The following PTPRT variants were observed in gnomAD, a reference collection of about 807,000 sequenced individuals.
PTPRT encodes protein tyrosine phosphatase receptor type T, also known as receptor-type tyrosine-protein phosphatase T.
In PTPRT, 56 loss-of-function variants were observed where a neutral mutation model predicts 176.8. That is an observed-to-expected ratio of 0.32 (90% CI 0.26 to 0.40). The LOEUF (loss-of-function observed/expected upper bound fraction) is 0.40. Ranked by LOEUF, PTPRT falls within the 10% of genes least tolerant of loss-of-function variation. PTPRT has a pLI of 1.00. For missense variants in PTPRT, 1,540 were observed against 1,908.2 expected, an observed-to-expected ratio of 0.81 and a Z score of 3.60; for synonymous variants, 783 against 739.0, an observed-to-expected ratio of 1.06 and a Z score of -0.96.
At chr20:42,575,104 G>GATAAA (rs1274579317) in intron 7 of PTPRT, among the ~76,000 whole-genome samples, 3 of 152,154 alleles carry the variant, frequency 2.0e-5, no homozygotes, top group Non-Finnish European at 4.4e-5. Context: ...AGGACCGACT[G>GATAAA]GTGCAAAGCT....
chr20:42,373,634 A>G (rs1004852097), intron 9 of PTPRT, among the ~76,000 whole-genome samples: 6 of 152,226 alleles, frequency 3.9e-5, no homozygotes, highest in African/African-American at 1.4e-4. Flanking sequence ...GAGATTATGG[A>G]CATACATATA....
intron 1 of PTPRT, among the ~76,000 whole-genome samples, chr20:42,897,923 C>A (rs1449248032): frequency 6.6e-6 from 1 of 152,126 alleles, no homozygotes; most frequent in Non-Finnish European, 1.5e-5. Context: ...AATATTTAAT[C>A]CCAATCTATA....
rs1283201514 is a variant in PTPRT at position 42,622,029 on chromosome 20, T to G, written c.1153+55837A>C. Among the ~76,000 whole-genome samples the G allele has an allele frequency of 2.6e-5, 4 of 152,300 alleles. No individual in the cohort carries two copies. In the East Asian group the frequency reaches 7.7e-4, roughly 29 times the overall value. ...AAAGTACTCTCAGATTCAAATTTCC[T>G]TGACACTTTGCTAACCGTTCTGCAC... On this transcript the variant is annotated intron_variant, in intron 7 of 30. Transcript: ENST00000373187.
chr20:42,212,903 G>C (rs960590881), intron 15 of PTPRT, among the ~76,000 whole-genome samples: 4 of 152,166 alleles, frequency 2.6e-5, no homozygotes, highest in African/African-American at 7.2e-5. Flanking sequence ...ATGCAGTCTA[G>C]AGCCATGCTT....
At chr20:42,767,634 T>C (rs2077001110) in intron 5 of PTPRT, among the ~76,000 whole-genome samples, 2 of 149,066 alleles carry the variant, frequency 1.3e-5, no homozygotes, top group African/African-American at 4.9e-5. Flanking sequence ...AAAAAAACTA[T>C]ATATACACAA....
intron 16 of PTPRT, among the ~76,000 whole-genome samples, chr20:42,184,587 T>TCTTCTC (rs1990680428): frequency 1.4e-5 from 2 of 143,056 alleles, no homozygotes; most frequent in East Asian, 4.1e-4. Context: ...TTCTTCTTCT[T>TCTTCTC]CTTCTTCCTC....
In PTPRT at chr20:42,254,159, C is replaced by CGTTAG. The variant is rs376003080; in HGVS notation, c.2177-5338_2177-5337insCTAAC. ...TGATTTTCCCCAAGGATTACTGAGA[C>CGTTAG]CTAACAAGGGCAGTGCTGCCCTGCT... is the stretch of plus-strand genomic sequence containing the variant. On this transcript the variant is annotated intron_variant, in intron 13 of 30. Coordinates refer to ENST00000373187, the MANE Select transcript of PTPRT (RefSeq NM_007050.6). Among the ~76,000 whole-genome samples, 44 of 152,178 alleles carry CGTTAG rather than the reference C, an allele frequency of 2.9e-4. 1 individual carries two copies. The highest frequency in any genetic ancestry group is 8.9e-4 in the African/African-American group (37 of 41,444).
At chr20:42,520,571 T>C (rs2145493860) in intron 7 of PTPRT, among the ~76,000 whole-genome samples, 1 of 152,186 alleles carries the variant, frequency 6.6e-6, no homozygotes, top group South Asian at 2.1e-4. Context: ...TCTCCAATTT[T>C]CCCAGTGCAA....
chr20:42,271,736 C>G (rs60095883), intron 13 of PTPRT, among the ~76,000 whole-genome samples: 2,428 of 152,268 alleles, frequency 0.016, 56 homozygotes, highest in African/African-American at 0.055. Flanking sequence ...ATCCACCCCT[C>G]ACCTCTCTAA....
intron 7 of PTPRT, among the ~76,000 whole-genome samples, chr20:42,657,355 G>A (rs1444674480): frequency 6.6e-6 from 1 of 152,156 alleles, no homozygotes; most frequent in Non-Finnish European, 1.5e-5. Flanking sequence ...ATCCTTCAGA[G>A]TTGGCTACTT....
chr20:42,258,014 C>T (rs532877981), intron 13 of PTPRT, among the ~76,000 whole-genome samples: 1 of 152,096 alleles, frequency 6.6e-6, no homozygotes, highest in African/African-American at 2.4e-5. Context: ...ACCTATCGTA[C>T]TACTCTGTCA....
chr20:42,353,324 C>G (rs1488396273), intron 9 of PTPRT, among the ~76,000 whole-genome samples: 1 of 152,170 alleles, frequency 6.6e-6, no homozygotes, highest in African/African-American at 2.4e-5. Flanking sequence ...TTGTCTTCCT[C>G]AAATCCTTGG....
intron 2 of PTPRT, among the ~76,000 whole-genome samples, chr20:42,878,747 G>A (rs1350405350): frequency 1.3e-5 from 2 of 152,222 alleles, no homozygotes; most frequent in Non-Finnish European, 2.9e-5. Context: ...AAGCAACGCT[G>A]GCCGGGCGTG....
chr20:42,494,494 A>G (rs917380856), intron 7 of PTPRT, among the ~76,000 whole-genome samples: 1 of 152,134 alleles, frequency 6.6e-6, no homozygotes, highest in Non-Finnish European at 1.5e-5. Flanking sequence ...ACTAACTCTC[A>G]GTTGTGGGTT....
intron 1 of PTPRT, among the ~76,000 whole-genome samples, chr20:43,164,291 A>G (rs2014794778): frequency 6.6e-6 from 1 of 152,212 alleles, no homozygotes; most frequent in Non-Finnish European, 1.5e-5. Context: ...CAACATTTGT[A>G]GAGCACCCAG....
intron 9 of PTPRT, among the ~76,000 whole-genome samples, chr20:42,392,351 TA>T (rs2058807905): frequency 1.3e-5 from 2 of 152,086 alleles, no homozygotes; most frequent in Admixed American, 1.3e-4. Flanking sequence ...AGTAAAATAA[TA>T]GGTTTTGATA....
At chr20:43,028,481 C>G (rs945723030) in intron 1 of PTPRT, among the ~76,000 whole-genome samples, 1 of 152,206 alleles carries the variant, frequency 6.6e-6, no homozygotes, top group South Asian at 2.1e-4. Flanking sequence ...ATCCTTACCC[C>G]TGGTTTATCC....
chr20:42,353,248 A>G (rs566193100), intron 9 of PTPRT, among the ~76,000 whole-genome samples: 4 of 152,242 alleles, frequency 2.6e-5, no homozygotes, highest in African/African-American at 9.6e-5. Flanking sequence ...AAAAATGCAG[A>G]TCCCAGGCCC....
chr20:43,045,117 T>C (rs1046634042), intron 1 of PTPRT, among the ~76,000 whole-genome samples: 1 of 152,182 alleles, frequency 6.6e-6, no homozygotes, highest in African/African-American at 2.4e-5. Flanking sequence ...GTTTCAGAGT[T>C]TTACACCCAA....
Sources: allele counts gnomAD v4.1 joint callset (sites outside exome capture counted in the v4.1 genomes callset), GRCh38; gene constraint gnomAD v4.1.1; transcripts MANE v1.5; gene names NCBI Gene and HGNC (gene_info 2026-07-23, HGNC 2026-07-21).